MINAR2: variants seen among roughly 807,000 people sequenced by gnomAD.
MINAR2 encodes major intrinsically disordered NOTCH2-binding receptor 1-like.
In MINAR2, 21 loss-of-function variants were observed where a neutral mutation model predicts 16.1. That is an observed-to-expected ratio of 1.31 (90% CI 0.93 to 1.88). The LOEUF is 1.88. MINAR2 is among the 40% of genes most tolerant of loss of function. The pLI, the probability that MINAR2 is intolerant of heterozygous loss-of-function variation, is 0.00. For synonymous variants in MINAR2, 86 were observed against 83.0 expected (o/e 1.04, Z -0.20); for missense variants, 259 against 229.8 (o/e 1.13, Z -0.82).
intron 1 of MINAR2, among the ~76,000 whole-genome samples, chr5:129,749,294 T>C (rs999733789): frequency 6.6e-6 from 1 of 152,152 alleles, no homozygotes; most frequent in Non-Finnish European, 1.5e-5. Flanking sequence ...TTAAGAACAG[T>C]TGCTACTCAT....
chr5:129,766,634 T>TAAAAAAAACAAAAA lies in MINAR2; in HGVS notation c.*1579_*1580insCAAAAAAAAAAAAA, dbSNP rs1758218533. Reference sequence around the variant, plus strand: ...CCTGGGTGACAGAGTGAGACTTCCATAAAAAAAAAAAAAAAAAAAAAACAA... The same window carrying TAAAAAAAACAAAAA: ...CCTGGGTGACAGAGTGAGACTTCCATAAAAAAAACAAAAAAAAAAAAAAAAAAAAAAAAAAACAA... On this transcript the variant is annotated 3_prime_UTR_variant, in exon 3 of 3. Transcript: ENST00000564719. 9.7e-6 allele frequency: 1 copy of TAAAAAAAACAAAAA among 103,562 alleles called. No individual in the cohort carries two copies. The highest frequency in any genetic ancestry group is 1.8e-5 in the Non-Finnish European group (1 of 56,838). The allele number at this position is 103,562 out of a possible 1,614,324, so 6.4% of individuals were successfully genotyped here. A position where few individuals can be genotyped will look rare whatever the true frequency, so the allele number is the denominator to read the frequency against.
chr5:129,755,246 C>T (rs995904853), intron 1 of MINAR2, among the ~76,000 whole-genome samples: 13 of 152,014 alleles, frequency 8.6e-5, no homozygotes, highest in African/African-American at 3.1e-4. Flanking sequence ...TTCTGTTCAG[C>T]AATATTGCAT....
intron 1 of MINAR2, among the ~76,000 whole-genome samples, chr5:129,751,814 AC>A (rs1372125508): frequency 2.0e-5 from 3 of 152,186 alleles, no homozygotes; most frequent in Admixed American, 2.0e-4. Flanking sequence ...ATTTCTGCCA[AC>A]CCCTTTATAA....
chr5:129,764,790 G>T, intron 2 of MINAR2, 94 bp from the exon 3 acceptor site: 1 of 621,418 alleles, frequency 1.6e-6, no homozygotes, highest in Non-Finnish European at 2.4e-6. Flanking sequence ...TGGACCATCA[G>T]TCCCCATGAC....
At chr5:129,758,784 C>A (rs1486387812) in intron 1 of MINAR2, among the ~76,000 whole-genome samples, 2 of 151,942 alleles carry the variant, frequency 1.3e-5, no homozygotes, top group Non-Finnish European at 2.9e-5. Context: ...AAGCTCATAT[C>A]ATTTAAATTT....
intron 1 of MINAR2, among the ~76,000 whole-genome samples, chr5:129,752,623 G>T (rs573734611): frequency 2.8e-4 from 43 of 152,248 alleles, no homozygotes; most frequent in African/African-American, 1.0e-3. Context: ...CCTAATGCAT[G>T]CAGGGCTTAA....
At position 129,754,114 on chromosome 5, in the gene MINAR2, T is replaced by A. The variant is rs908615499; in HGVS notation, c.165+5759T>A. ...AATGTCTCTGGCATGAAAGCCTATATTAAAGGTACCTTGTATGTTATAATA... is the reference window on the plus strand; with the variant it reads ...AATGTCTCTGGCATGAAAGCCTATAATAAAGGTACCTTGTATGTTATAATA... On this transcript the variant is annotated intron_variant, in intron 1 of 2. Coordinates refer to ENST00000564719, the MANE Select transcript of MINAR2 (RefSeq NM_001257308.2). 7.9e-5 allele frequency among the ~76,000 whole-genome samples: 12 copies of A among 152,118 alleles called. 1 individual carries two copies. Among genetic ancestry groups the A allele is most frequent in the African/African-American group, 2.9e-4 (12 of 41,422 alleles).
At chr5:129,764,555 C>A (rs551742247) in intron 2 of MINAR2, among the ~76,000 whole-genome samples, 81 of 152,288 alleles carry the variant, frequency 5.3e-4, no homozygotes, top group Non-Finnish European at 1.0e-3. Context: ...AAATTGGCTA[C>A]AATGTGATAG....
chr5:129,748,391 G>T (rs4836471), intron 1 of MINAR2, 36 bp downstream of exon 1: 54,369 of 1,522,332 alleles, frequency 0.036, 1,152 homozygotes, highest in Admixed American at 0.051. Context: ...GGGGATGGAG[G>T]CTTGTTTCTT....
At position 129,748,095 on chromosome 5, in the gene MINAR2, G is replaced by C; in HGVS notation, c.-96G>C. On this transcript the variant is annotated 5_prime_UTR_variant, in exon 1 of 3. Coordinates refer to ENST00000564719, the MANE Select transcript of MINAR2 (RefSeq NM_001257308.2). ...CGTGCAGCTGAGAGACTTGGTTTCAGATGCAGTCAGAGCATCCTCAGGCAC... is the reference window on the plus strand; with the variant it reads ...CGTGCAGCTGAGAGACTTGGTTTCACATGCAGTCAGAGCATCCTCAGGCAC... 8.6e-7 allele frequency: 1 copy of C among 1,158,580 alleles called. No homozygotes were observed. The allele number at this position is 1,158,580 out of a possible 1,614,324, so 71.8% of individuals were successfully genotyped here.
In MINAR2 at chr5:129,765,062, G is replaced by A; in HGVS notation, c.572G>A (p.Ter191=). 6 of 1,277,936 alleles carry A rather than the reference G, an allele frequency of 4.7e-6. No homozygotes were observed. Among genetic ancestry groups the A allele is most frequent in the Non-Finnish European group, 5.9e-6 (6 of 1,009,528 alleles). The allele number at this position is 1,277,936 out of a possible 1,614,324, so 79.2% of individuals were successfully genotyped here. A position where few individuals can be genotyped will look rare whatever the true frequency, so the allele number is the denominator to read the frequency against. ...TIVTIITFFT[*] ...GTGACTATCATTACTTTTTTCACCTGAGGAAACTGCAACAATCAGAGCTAC... is the reference window on the plus strand; with the variant it reads ...GTGACTATCATTACTTTTTTCACCTAAGGAAACTGCAACAATCAGAGCTAC... Residue 191 remains the stop codon, a stop_retained_variant, in exon 3 of 3, where the codon TGA becomes TAA. Transcript: ENST00000564719.
At position 129,763,244 on chromosome 5, in the gene MINAR2, G is replaced by A. The variant is rs114798387; in HGVS notation, c.394-1640G>A. ...TTTTACAGGTCTCATAAGGTTATTC[G>A]TCAGCACTAACTTCCTGAGAGAAGC... is the stretch of plus-strand genomic sequence containing the variant. On this transcript the variant is annotated intron_variant, in intron 2 of 2. Coordinates refer to ENST00000564719, the MANE Select transcript of MINAR2 (RefSeq NM_001257308.2). Among the ~76,000 whole-genome samples the A allele has an allele frequency of 2.9e-3, 436 of 152,162 alleles. 1 individual carries two copies. Among genetic ancestry groups the A allele is most frequent in the African/African-American group, 9.4e-3 (391 of 41,506 alleles).
intron 1 of MINAR2, among the ~76,000 whole-genome samples, chr5:129,757,549 T>G (rs965511452): frequency 2.6e-5 from 4 of 152,022 alleles, no homozygotes; most frequent in Non-Finnish European, 1.5e-5. Context: ...TATTTATAAT[T>G]GTTTTTCTGT....
intron 1 of MINAR2, among the ~76,000 whole-genome samples, chr5:129,749,419 C>T (rs1218031435): frequency 6.6e-6 from 1 of 152,140 alleles, no homozygotes; most frequent in Non-Finnish European, 1.5e-5. Context: ...GTTTCCTCCA[C>T]CTATAAGGAT....
intron 1 of MINAR2, among the ~76,000 whole-genome samples, chr5:129,754,522 C>G (rs912811845): frequency 6.6e-6 from 1 of 152,152 alleles, no homozygotes; most frequent in Non-Finnish European, 1.5e-5. Context: ...TTGATTCTCT[C>G]AATCCATGAC....
Position 129,752,778 on chromosome 5 carries a change from C to CT in MINAR2, c.165+4435dup, listed in dbSNP as rs74312033. ...AATGGCAAGAAAGAAAAATGTGTGT[C>CT]TTTTTTTTTTTTCCATTTATTGTGG... On this transcript the variant is annotated intron_variant, in intron 1 of 2. Transcript: ENST00000564719. 3.6e-3 allele frequency among the ~76,000 whole-genome samples: 534 copies of CT among 146,974 alleles called. 2 individuals carry two copies. The highest frequency in any genetic ancestry group is 0.011 in the African/African-American group (441 of 40,422).
intron 1 of MINAR2, among the ~76,000 whole-genome samples, chr5:129,757,667 C>A (rs1274233392): frequency 2.0e-5 from 3 of 151,792 alleles, no homozygotes; most frequent in Non-Finnish European, 2.9e-5. Context: ...CATTCTTTCT[C>A]TGCTTGTTAG....
At chr5:129,759,639 G>A (rs1758101626) in intron 1 of MINAR2, among the ~76,000 whole-genome samples, 1 of 152,070 alleles carries the variant, frequency 6.6e-6, no homozygotes, top group South Asian at 2.1e-4. Context: ...TTTGGGCAGG[G>A]GGAGGGAGGG....
At chr5:129,756,955 A>AC (rs1342680783) in intron 1 of MINAR2, among the ~76,000 whole-genome samples, 43 of 143,226 alleles carry the variant, frequency 3.0e-4, no homozygotes, top group South Asian at 1.6e-3. Context: ...AAAAAAAAAA[A>AC]AAACACACAC....
Sources: gnomAD v4.1 joint callset for allele counts (sites outside exome capture counted in the v4.1 genomes callset) on GRCh38, gnomAD v4.1.1 for gene constraint, MANE v1.5 for transcripts, NCBI Gene and HGNC (gene_info 2026-07-23, HGNC 2026-07-21) for gene names.